NFKB1: variants seen among roughly 807,000 people sequenced by gnomAD.
NFKB1 encodes nuclear factor NF-kappa-B p105 subunit.
Under a neutral mutation model 105.1 loss-of-function variants are expected in NFKB1, and 9 were observed. The observed-to-expected ratio is 0.09, with a 90% CI of 0.05 to 0.15. The LOEUF is 0.15. Among genes scored for constraint, NFKB1 ranks in the 10% least tolerant of loss-of-function variants. NFKB1 has a pLI of 1.00. For missense variants in NFKB1, 830 were observed against 1,203.7 expected (o/e 0.69, Z 4.59); for synonymous variants, 440 against 442.2 (o/e 1.00, Z 0.06).
chr4:102,580,845 A>G (rs1473304372), intron 9 of NFKB1, among the ~76,000 whole-genome samples: 1 of 152,236 alleles, frequency 6.6e-6, no homozygotes, highest in Admixed American at 6.5e-5. Flanking sequence ...TCACTTTTAG[A>G]TTTCCCATGG....
At chr4:102,558,813 G>C (rs1189838300) in intron 5 of NFKB1, among the ~76,000 whole-genome samples, 2 of 152,108 alleles carry the variant, frequency 1.3e-5, no homozygotes, top group East Asian at 3.8e-4. Context: ...ACCACACCCA[G>C]CTTCCCCACT....
intron 2 of NFKB1, among the ~76,000 whole-genome samples, chr4:102,527,584 T>A (rs1376905473): frequency 6.6e-6 from 1 of 152,192 alleles, no homozygotes; most frequent in Non-Finnish European, 1.5e-5. Flanking sequence ...TCTGATTGAT[T>A]TAGAAAGAAT....
intron 5 of NFKB1, among the ~76,000 whole-genome samples, chr4:102,550,907 A>G (rs1010960172): frequency 6.6e-6 from 1 of 152,164 alleles, no homozygotes; most frequent in African/African-American, 2.4e-5. Flanking sequence ...TTGAATATCA[A>G]CATTTGTCAG....
chr4:102,560,577 C>CA lies in NFKB1; in HGVS notation c.259-6403dup, dbSNP rs141919703. Among the ~76,000 whole-genome samples, 1,350 of 152,054 alleles carry CA rather than the reference C, an allele frequency of 8.9e-3. 14 individuals carry two copies. Among genetic ancestry groups the CA allele is most frequent in the African/African-American group, 0.03 (1,242 of 41,480 alleles). On this transcript the variant is annotated intron_variant, in intron 5 of 23. Coordinates refer to ENST00000226574, the MANE Select transcript of NFKB1 (RefSeq NM_003998.4). ...ATGAGTACTACCAGGAAAAGAAAAA[C>CA]AAAAAAACATGCCATTAATAGTGGG... is the stretch of plus-strand genomic sequence containing the variant.
At chr4:102,573,734 T>C (rs1351976063) in intron 6 of NFKB1, among the ~76,000 whole-genome samples, 2 of 152,276 alleles carry the variant, frequency 1.3e-5, no homozygotes, top group South Asian at 2.1e-4. Flanking sequence ...AAAAAATCTT[T>C]TTTTTCTCTT....
chr4:102,563,614 A>C (rs1723613063), intron 5 of NFKB1, among the ~76,000 whole-genome samples: 1 of 152,168 alleles, frequency 6.6e-6, no homozygotes, highest in Admixed American at 6.6e-5. Flanking sequence ...TCCTCACAAC[A>C]ACCCTTTGAG....
intron 20 of NFKB1, 37 bp from the exon 21 acceptor site, chr4:102,612,007 G>A (rs371855421): frequency 3.0e-5 from 46 of 1,557,100 alleles, no homozygotes; most frequent in Admixed American, 1.2e-4. Flanking sequence ...TGGTCCCTTC[G>A]ATGTATAACG....
At chr4:102,605,542 C>T (rs1727637129) in intron 16 of NFKB1, among the ~76,000 whole-genome samples, 1 of 152,226 alleles carries the variant, frequency 6.6e-6, no homozygotes, top group African/African-American at 2.4e-5. Flanking sequence ...TGTTCTCTGT[C>T]AGTGAACTCA....
intron 5 of NFKB1, among the ~76,000 whole-genome samples, chr4:102,550,521 A>G (rs1722492463): frequency 6.6e-6 from 1 of 152,128 alleles, no homozygotes; most frequent in South Asian, 2.1e-4. Context: ...TGGATTTGAG[A>G]TATGAAATGT....
intron 19 of NFKB1, 84 bp downstream of exon 19, chr4:102,607,835 C>A: frequency 8.6e-7 from 1 of 1,160,378 alleles, no homozygotes; most frequent in Non-Finnish European, 1.3e-6. Flanking sequence ...ATGTTGCCTT[C>A]TTTAAGCCAC....
At chr4:102,523,549 G>A (rs1740703616) in intron 1 of NFKB1, among the ~76,000 whole-genome samples, 1 of 152,122 alleles carries the variant, frequency 6.6e-6, no homozygotes, top group African/African-American at 2.4e-5. Context: ...TACGGTGAGG[G>A]CTAAACTCTT....
At chr4:102,514,417 G>T (rs968123437) in intron 1 of NFKB1, among the ~76,000 whole-genome samples, 1 of 152,140 alleles carries the variant, frequency 6.6e-6, no homozygotes, top group Non-Finnish European at 1.5e-5. Context: ...AAAAGGGCTT[G>T]CTGGAGGAAA....
chr4:102,587,559 T>C (rs1725815403), intron 11 of NFKB1, among the ~76,000 whole-genome samples: 1 of 152,060 alleles, frequency 6.6e-6, no homozygotes, highest in African/African-American at 2.4e-5. Flanking sequence ...TGCCTCGTTA[T>C]CATAGTAGGA....
intron 6 of NFKB1, 97 bp downstream of exon 6, chr4:102,567,232 C>G: frequency 7.6e-7 from 1 of 1,312,364 alleles, no homozygotes; most frequent in Non-Finnish European, 1.1e-6. Context: ...AGGGACCTTT[C>G]TGAGACCCTC....
At chr4:102,595,557 C>T (rs1726540862) in intron 13 of NFKB1, among the ~76,000 whole-genome samples, 1 of 152,226 alleles carries the variant, frequency 6.6e-6, no homozygotes, top group Admixed American at 6.5e-5. Context: ...ATAGTAACTC[C>T]ATTTTGCACA....
chr4:102,507,667 A>G (rs554055717), intron 1 of NFKB1, among the ~76,000 whole-genome samples: 4 of 152,296 alleles, frequency 2.6e-5, no homozygotes, highest in African/African-American at 9.6e-5. Flanking sequence ...ACTAACTTGA[A>G]CTAAAGAAAG....
At chr4:102,596,065 C>A in intron 13 of NFKB1, 73 bp from the exon 14 acceptor site, 1 of 1,000,648 alleles carries the variant, frequency 1.0e-6, no homozygotes, top group Non-Finnish European at 1.4e-6. Flanking sequence ...TTTATCTGAC[C>A]TACATTGGAA....
chr4:102,581,309 A>G (rs904023670), intron 9 of NFKB1, among the ~76,000 whole-genome samples: 16 of 152,190 alleles, frequency 1.1e-4, no homozygotes, highest in South Asian at 2.1e-4. Context: ...TATAATATCT[A>G]TTTACTACAG....
chr4:102,598,887 C>CA (rs1726880585), intron 15 of NFKB1, among the ~76,000 whole-genome samples: 1 of 152,176 alleles, frequency 6.6e-6, no homozygotes, highest in African/African-American at 2.4e-5. Context: ...CAAGCACACT[C>CA]ACACAAGCCG....
Sources: gnomAD v4.1 joint callset for allele counts (sites outside exome capture counted in the v4.1 genomes callset) on GRCh38, gnomAD v4.1.1 for gene constraint, MANE v1.5 for transcripts, NCBI Gene and HGNC (gene_info 2026-07-23, HGNC 2026-07-21) for gene names.